The following FAM163A variants were observed in gnomAD, a reference collection of about 807,000 sequenced individuals.
The protein encoded by FAM163A is family with sequence similarity 163 member A.
In FAM163A, 7 loss-of-function variants were observed where a neutral mutation model predicts 12.0. The observed-to-expected ratio is 0.58, with a 90% CI of 0.33 to 1.10. FAM163A has a LOEUF of 1.10. Among genes scored for constraint, FAM163A ranks in the 50% least tolerant of loss-of-function variants. The pLI is 0.03. For synonymous variants in FAM163A, 101 were observed against 91.0 expected (o/e 1.11, Z -0.62); for missense variants, 202 against 218.6 (o/e 0.92, Z 0.48).
upstream of FAM163A, among the ~76,000 whole-genome samples, chr1:179,740,170 T>C (rs1178746195): frequency 1.7e-5 from 2 of 115,138 alleles, no homozygotes; most frequent in African/African-American, 7.4e-5. Context: ...CTTTATTTGG[T>C]TTTTGTTGTT....
At position 179,814,436 on chromosome 1, in the gene FAM163A, C is replaced by A. The variant is rs1025695748; in HGVS notation, c.*247C>A. ...GTCGAGTCTGCAGCTTCGCCAGTTT[C>A]TTGGTTGGGACACTCCTCTGGCAGC... On this transcript the variant is annotated 3_prime_UTR_variant, in exon 5 of 5. Coordinates refer to ENST00000341785, the MANE Select transcript of FAM163A (RefSeq NM_173509.3). 9.2e-5 allele frequency: 48 copies of A among 520,976 alleles called. No individual in the cohort carries two copies. Among genetic ancestry groups the A allele is most frequent in the Non-Finnish European group, 1.2e-4 (36 of 300,296 alleles). 32.3% of individuals were successfully genotyped at this position (520,976 alleles called of 1,614,324 possible). A position where few individuals can be genotyped will look rare whatever the true frequency, so the allele number is the denominator to read the frequency against.
intron 1 of FAM163A, among the ~76,000 whole-genome samples, chr1:179,770,595 C>G (rs559338109): frequency 6.6e-6 from 1 of 152,264 alleles, no homozygotes; most frequent in African/African-American, 2.4e-5. Flanking sequence ...CCCTGAAATT[C>G]TTTCAGTTCC....
Position 179,760,013 on chromosome 1 carries a change from A to G in FAM163A, c.-136+16590A>G, listed in dbSNP as rs564877951. Among the ~76,000 whole-genome samples, 12 of 152,212 alleles carry G rather than the reference A, an allele frequency of 7.9e-5. No individual in the cohort carries two copies. The East Asian group carries it at 2.3e-3, about 29-fold the overall frequency. On this transcript the variant is annotated intron_variant, in intron 1 of 4. Coordinates refer to ENST00000341785, the MANE Select transcript of FAM163A (RefSeq NM_173509.3). ...AGCATGATATTCTAAGAGTAATCCA[A>G]ATGTTCGTGCAGTGTTTTCAGTAGG...
intron 3 of FAM163A, among the ~76,000 whole-genome samples, chr1:179,812,628 C>G (rs935303084): frequency 6.6e-6 from 1 of 152,140 alleles, no homozygotes; most frequent in Non-Finnish European, 1.5e-5. Flanking sequence ...TATTCGCAGC[C>G]CCGTTCAGCA....
chr1:179,743,074 A>G (rs906223826), upstream of FAM163A: 2 of 152,298 alleles, frequency 1.3e-5, no homozygotes, highest in Non-Finnish European at 2.9e-5. Context: ...TCCCGCGTTT[A>G]CATTTCTTAG....
upstream of FAM163A, among the ~76,000 whole-genome samples, chr1:179,739,210 G>GA (rs11352265): frequency 1.0e-3 from 146 of 146,642 alleles, no homozygotes; most frequent in Non-Finnish European, 1.4e-3. Flanking sequence ...ACATGAAACA[G>GA]AAAAAAAAAA....
chr1:179,738,094 A>T, the FAM163A span, among the ~76,000 whole-genome samples: 1 of 152,086 alleles, frequency 6.6e-6, no homozygotes, highest in African/African-American at 2.4e-5. Context: ...AGAAGTGGAG[A>T]GGAAGGGAAG....
At chr1:179,797,192 G>A (rs1442532548) in intron 1 of FAM163A, among the ~76,000 whole-genome samples, 2 of 152,132 alleles carry the variant, frequency 1.3e-5, no homozygotes, top group African/African-American at 2.4e-5. Flanking sequence ...CACACCTGTG[G>A]TCCCAGCACT....
chr1:179,744,772 G>A (rs1684216341), intron 1 of FAM163A, among the ~76,000 whole-genome samples: 1 of 152,298 alleles, frequency 6.6e-6, no homozygotes, highest in Admixed American at 6.5e-5. Context: ...GAGATTCCGA[G>A]GGGGCCGCAG....
chr1:179,769,967 G>A (rs939231413), intron 1 of FAM163A, among the ~76,000 whole-genome samples: 23 of 138,644 alleles, frequency 1.7e-4, no homozygotes, highest in Admixed American at 1.2e-3. Context: ...GTGCAGTGGC[G>A]TGATCTCGGC....
intron 4 of FAM163A, 69 bp from the exon 5 acceptor site, chr1:179,813,710 C>A: frequency 6.4e-7 from 1 of 1,568,568 alleles, no homozygotes; most frequent in Non-Finnish European, 8.7e-7. Flanking sequence ...GGCACCTGTG[C>A]ACGCTCAAAA....
At chr1:179,730,455 G>A in the FAM163A span, 1 of 152,178 alleles carries the variant, frequency 6.6e-6, no homozygotes, top group South Asian at 2.1e-4. Context: ...TGCCTTAGAG[G>A]ACTGGCAGTA....
chr1:179,790,673 A>G (rs1028775084), intron 1 of FAM163A, among the ~76,000 whole-genome samples: 3 of 152,018 alleles, frequency 2.0e-5, no homozygotes, highest in African/African-American at 7.3e-5. Flanking sequence ...AGGTCAGATC[A>G]CTCCTGACCT....
chr1:179,748,903 A>G (rs572290702), intron 1 of FAM163A, among the ~76,000 whole-genome samples: 1 of 152,370 alleles, frequency 6.6e-6, no homozygotes, highest in East Asian at 1.9e-4. Context: ...CACAGACATA[A>G]TACGTGTCAT....
intron 4 of FAM163A, 132 bp downstream of exon 4, chr1:179,813,322 T>A: frequency 1.1e-6 from 1 of 894,722 alleles, no homozygotes; most frequent in Non-Finnish European, 1.7e-6. Flanking sequence ...CAGGCGTAAG[T>A]CAAGGAGGAT....
chr1:179,734,291 C>T, the FAM163A span, among the ~76,000 whole-genome samples: 1 of 152,150 alleles, frequency 6.6e-6, no homozygotes, highest in Non-Finnish European at 1.5e-5. Flanking sequence ...TAATCTGGCT[C>T]CTGACTAGAG....
At chr1:179,803,612 A>C (rs1033988944) in intron 1 of FAM163A, among the ~76,000 whole-genome samples, 1 of 151,934 alleles carries the variant, frequency 6.6e-6, no homozygotes, top group Admixed American at 6.6e-5. Context: ...CTTGTTGCCC[A>C]GGCTGGAGTG....
At chr1:179,788,828 A>G (rs955124255) in intron 1 of FAM163A, among the ~76,000 whole-genome samples, 1 of 152,236 alleles carries the variant, frequency 6.6e-6, no homozygotes, top group African/African-American at 2.4e-5. Flanking sequence ...ACTACCTTCC[A>G]GTGCAAGGTC....
At chr1:179,748,067 T>C (rs1684753474) in intron 1 of FAM163A, among the ~76,000 whole-genome samples, 1 of 152,084 alleles carries the variant, frequency 6.6e-6, no homozygotes, top group South Asian at 2.1e-4. Context: ...GCCCTGTGTC[T>C]GCACCCAAGG....
Sources: allele counts gnomAD v4.1 joint callset (sites outside exome capture counted in the v4.1 genomes callset), GRCh38; gene constraint gnomAD v4.1.1; transcripts MANE v1.5; gene names NCBI Gene and HGNC (gene_info 2026-07-23, HGNC 2026-07-21).